The following DENND10 variants were observed in gnomAD, a reference collection of about 807,000 sequenced individuals.
DENND10 encodes the protein DENN domain-containing protein 10.
DENND10 carries 24 observed loss-of-function variants against 43.6 expected under a neutral mutation model. The ratio of observed to expected loss-of-function variants is 0.55; its 90% confidence interval spans 0.40 to 0.77. DENND10 has a LOEUF of 0.77. Ranked by LOEUF, DENND10 falls within the 30% of genes least tolerant of loss-of-function variation. The probability of loss-of-function intolerance (pLI) is 0.00; values close to 1 mark genes in which losing one functional copy is unlikely to be tolerated. For missense variants in DENND10, 303 were observed against 429.9 expected (o/e 0.70, Z 2.61); for synonymous variants, 125 against 157.6 (o/e 0.79, Z 1.55).
chr10:119,111,160 T>C (rs992519404), intron 2 of DENND10, among the ~76,000 whole-genome samples: 3 of 148,508 alleles, frequency 2.0e-5, no homozygotes, highest in African/African-American at 7.5e-5. Flanking sequence ...CTTGGGAGCT[T>C]GGGAGGCTGA....
At chr10:119,105,591 G>T (rs763485765) in intron 1 of DENND10, 1 of 900,472 alleles carries the variant, frequency 1.1e-6, no homozygotes. Context: ...TTGAACTAAG[G>T]CTAAGTTAAA....
In DENND10 at chr10:119,104,172, G is replaced by A; in HGVS notation, c.30G>A (p.Gln10=). The change falls in exon 1 of 9, where the codon CAG becomes CAA. Residue 10 remains glutamine (Q), a synonymous_variant. Coordinates refer to ENST00000361432, the MANE Select transcript of DENND10 (RefSeq NM_207009.4). The stretch of plus-strand genomic sequence containing the variant: ...CTGCGGCCGAGGTGGCGGACACTCA[G>A]CTGATGCTTGGAGTCGGGCTGATCG... MAAAEVADT[Q]LMLGVGLIEK... is the part of the protein sequence containing the mutation. 1 of 1,524,286 alleles carries A rather than the reference G, an allele frequency of 6.6e-7. No individual in the cohort carries two copies. The highest frequency in any genetic ancestry group is 1.4e-5 in the African/African-American group (1 of 70,090). The allele number at this position is 1,524,286 out of a possible 1,614,324, so 94.4% of individuals were successfully genotyped here.
At chr10:119,122,490 A>C (rs1258565179) in intron 5 of DENND10, among the ~76,000 whole-genome samples, 2 of 152,308 alleles carry the variant, frequency 1.3e-5, no homozygotes, top group East Asian at 3.9e-4. Flanking sequence ...TGATTGCATC[A>C]GATTTTAAGT....
chr10:119,120,235 G>A (rs1266557117), intron 4 of DENND10, 106 bp from the exon 5 acceptor site: 2 of 641,104 alleles, frequency 3.1e-6, no homozygotes, highest in Non-Finnish European at 5.3e-6. Context: ...GTGACAGAGT[G>A]AGACTCGGTC....
At chr10:119,134,462 T>G (rs1429243426) in intron 8 of DENND10, 1 of 152,464 alleles carries the variant, frequency 6.6e-6, no homozygotes, top group African/African-American at 2.4e-5. Context: ...GCGATTCTCC[T>G]GCCTCAGCCT....
At position 119,132,528 on chromosome 10, in the gene DENND10, G is replaced by A. The variant is rs915442897; in HGVS notation, c.816G>A (p.Met272Ile). ...TGATCTCACCAGAGGCCATGGCAAT[G>A]GGCAAACTGCACAAAGAAATGGGTC... ...IAPLAKEAMA[M>I]GKLHKEMGQL... Residue 272 changes from methionine to isoleucine, a missense_variant, in exon 8 of 9, where the codon ATG becomes ATA. By Grantham distance (10) the Met-to-Ile change is conservative (BLOSUM62 1). Transcript: ENST00000361432. The surrounding 1 kb of genome is among the most constrained non-coding windows in gnomAD (Gnocchi z 4.2). 2 of 1,613,784 alleles carry A rather than the reference G, an allele frequency of 1.2e-6. No individual in the cohort carries two copies. Among genetic ancestry groups the A allele is most frequent in the Admixed American group, 1.7e-5 (1 of 60,000 alleles).
chr10:119,135,992 A>G (rs1032431086), intron 8 of DENND10, among the ~76,000 whole-genome samples: 1 of 151,994 alleles, frequency 6.6e-6, no homozygotes, highest in Non-Finnish European at 1.5e-5. Context: ...CCTGGGCAAC[A>G]TGGTGAAACC....
intron 6 of DENND10, among the ~76,000 whole-genome samples, chr10:119,124,186 TC>T (rs902533424): frequency 1.4e-5 from 2 of 139,074 alleles, no homozygotes; most frequent in Non-Finnish European, 3.1e-5. Context: ...AGAGCAAAAC[TC>T]CGTCTCAAAA....
intron 3 of DENND10, among the ~76,000 whole-genome samples, chr10:119,115,215 C>G (rs1845191369): frequency 6.6e-6 from 1 of 151,902 alleles, no homozygotes; most frequent in African/African-American, 2.4e-5. Context: ...GATCCCCACC[C>G]CACACAACTC....
intron 6 of DENND10, among the ~76,000 whole-genome samples, chr10:119,127,045 C>T (rs141323217): frequency 0.015 from 2,275 of 151,104 alleles, 52 homozygotes; most frequent in African/African-American, 0.053. Flanking sequence ...ACTACAGGCA[C>T]GTGCCACCAT....
intron 3 of DENND10, among the ~76,000 whole-genome samples, chr10:119,113,141 G>A (rs554823530): frequency 9.3e-5 from 14 of 150,456 alleles, no homozygotes; most frequent in African/African-American, 1.9e-4. Context: ...GTGAGCCACC[G>A]CACCCTGCCT....
chr10:119,136,596 A>G lies in DENND10; in HGVS notation c.1023A>G (p.Thr341=). The G allele has an allele frequency of 6.3e-7, 1 of 1,578,210 alleles. No individual in the cohort carries two copies. Among genetic ancestry groups the G allele is most frequent in the African/African-American group, 1.4e-5 (1 of 72,210 alleles). Residue 341 remains threonine, a synonymous_variant, in exon 9 of 9, where the codon ACA becomes ACG. Coordinates refer to ENST00000361432, the MANE Select transcript of DENND10 (RefSeq NM_207009.4). The part of the protein sequence containing the change: ...ALKQKRFPPA[T]ENFLYHLAAA... ...AGCAAAAACGATTTCCACCAGCAAC[A>G]GAAAACTTCCTTTATCATCTAGCAG...
chr10:119,111,499 A>G (rs1195240725), intron 2 of DENND10, among the ~76,000 whole-genome samples: 1 of 151,996 alleles, frequency 6.6e-6, no homozygotes, highest in East Asian at 1.9e-4. Context: ...AGAAAAGATA[A>G]GCAGTTGCTA....
rs548347801 is a variant in DENND10, at chr10:119,113,461, C to T, written c.332+1533C>T. ...GATCCTCTGCCTTGGCTTTTCAAAG[C>T]GCTGAGATTACAAACGTGAGCCACT... On this transcript the variant is annotated intron_variant, in intron 3 of 8. Transcript: ENST00000361432. Among the ~76,000 whole-genome samples the T allele has an allele frequency of 1.4e-4, 21 of 150,924 alleles. No homozygotes were observed. In the South Asian group the frequency reaches 3.5e-3, roughly 25 times the overall value.
chr10:119,109,342 G>A (rs1193402279), intron 2 of DENND10, among the ~76,000 whole-genome samples: 2 of 151,950 alleles, frequency 1.3e-5, no homozygotes, highest in African/African-American at 4.8e-5. Flanking sequence ...GGATGTAATC[G>A]TGGACTTTCC....
chr10:119,115,880 C>T (rs184112389), intron 3 of DENND10, among the ~76,000 whole-genome samples: 11 of 151,404 alleles, frequency 7.3e-5, no homozygotes, highest in Admixed American at 6.6e-4. Context: ...TCTTCTGCCT[C>T]AGCCTCCCAA....
rs367836571 is a variant in DENND10 at position 119,135,791 on chromosome 10, TAAA to T, written c.898-657_898-655del. The stretch of plus-strand genomic sequence containing the variant: ...TACACTCAGAAAATGACTAAAATTG[TAAA>T]AAAAAAAAAAAAAAAAAAAAAACCA... On this transcript the variant is annotated intron_variant, in intron 8 of 8. Transcript: ENST00000361432. Among the ~76,000 whole-genome samples, 529 of 64,030 alleles carry T rather than the reference TAAA, an allele frequency of 8.3e-3. 6 individuals are homozygous for T. The highest frequency in any genetic ancestry group is 0.018 in the African/African-American group (298 of 16,990). The allele number at this position is 64,030 out of a possible 152,430, so 42.0% of individuals were successfully genotyped here.
chr10:119,131,371 T>TGG (rs2133530663), intron 7 of DENND10, among the ~76,000 whole-genome samples: 1 of 152,230 alleles, frequency 6.6e-6, no homozygotes, highest in South Asian at 2.1e-4. Context: ...GGCAGGAGAA[T>TGG]CAGTTGAACC....
rs762429337 is a variant in DENND10 at position 119,132,544 on chromosome 10, G to T, written c.832G>T (p.Glu278Ter). 1 of 1,614,124 alleles carries T rather than the reference G, an allele frequency of 6.2e-7. No homozygotes were observed. The highest frequency in any genetic ancestry group is 1.1e-5 in the South Asian group (1 of 91,082). Residue 278 changes from glutamate (E) to a stop codon, truncating the protein, a stop_gained, in exon 8 of 9, where the codon GAA becomes TAA. Transcript: ENST00000361432. LOFTEE classifies it high-confidence loss of function. This position sits in a 1 kb window ranked among gnomAD's most constrained non-coding sequence, Gnocchi z 4.2. ...EAMAMGKLHK[E>*]MGQLIVQSAE... is the part of the protein sequence containing the mutation. ...CATGGCAATGGGCAAACTGCACAAAGAAATGGGTCAGCTAATTGTTCAGTC... is the reference window on the plus strand; with the variant it reads ...CATGGCAATGGGCAAACTGCACAAATAAATGGGTCAGCTAATTGTTCAGTC...
Sources: gnomAD v4.1 joint callset for allele counts (sites outside exome capture counted in the v4.1 genomes callset) on GRCh38, gnomAD v4.1.1 for gene constraint, Gnocchi (gnomAD v3.1) non-coding constraint, MANE v1.5 for transcripts, NCBI Gene and HGNC (gene_info 2026-07-23, HGNC 2026-07-21) for gene names.